Variants in BBX observed in about 807,000 individuals in gnomAD.
BBX encodes BBX high mobility group box domain containing.
BBX carries 30 observed loss-of-function variants against 100.2 expected under a neutral mutation model. The ratio of observed to expected loss-of-function variants is 0.30; its 90% CI spans 0.22 to 0.41. The LOEUF (loss-of-function observed/expected upper bound fraction) is 0.41, where lower values mean the gene tolerates loss of function less well. Ranked by LOEUF, BBX falls within the 10% of genes least tolerant of loss-of-function variation. BBX has a pLI of 1.00. For missense variants in BBX, 1,023 were observed against 1,129.8 expected (o/e 0.91, Z 1.35); for synonymous variants, 376 against 388.1 (o/e 0.97, Z 0.37).
chr3:107,656,819 C>G (rs1211299151), intron 3 of BBX, among the ~76,000 whole-genome samples: 3 of 152,100 alleles, frequency 2.0e-5, no homozygotes, highest in Non-Finnish European at 4.4e-5. Context: ...TGTCTAGGCA[C>G]AAAAGAGGGA....
chr3:107,659,741 A>C, intron 3 of BBX: 1 of 1,284,714 alleles, frequency 7.8e-7, no homozygotes, highest in African/African-American at 1.5e-5. Context: ...TTTTACATTC[A>C]TGTGCATGAA....
At chr3:107,555,079 C>T (rs2107447552) in intron 2 of BBX, among the ~76,000 whole-genome samples, 1 of 151,998 alleles carries the variant, frequency 6.6e-6, no homozygotes, top group East Asian at 1.9e-4. Context: ...AAAACAACAA[C>T]AACAACAACA....
chr3:107,792,815 C>T (rs1020712589), intron 15 of BBX, among the ~76,000 whole-genome samples: 1 of 152,008 alleles, frequency 6.6e-6, no homozygotes, highest in African/African-American at 2.4e-5. Context: ...CATTTAGGAC[C>T]ACTTTACTCT....
At chr3:107,775,543 A>G (rs565381554) in intron 12 of BBX, among the ~76,000 whole-genome samples, 56 of 152,312 alleles carry the variant, frequency 3.7e-4, no homozygotes, top group Non-Finnish European at 7.5e-4. Context: ...CTGCATATTC[A>G]GTTAGACTAT....
chr3:107,597,933 T>A (rs1158734338), intron 2 of BBX, among the ~76,000 whole-genome samples: 1 of 152,056 alleles, frequency 6.6e-6, no homozygotes, highest in Non-Finnish European at 1.5e-5. Context: ...TGTGCCTGAT[T>A]TTGTAAAATG....
At chr3:107,802,451 G>A (rs2070600077) in intron 17 of BBX, among the ~76,000 whole-genome samples, 1 of 152,244 alleles carries the variant, frequency 6.6e-6, no homozygotes, top group Admixed American at 6.5e-5. Flanking sequence ...AGGTCTCTGA[G>A]GGAGACAATG....
In BBX at chr3:107,569,734, A is replaced by G. The variant is rs142169091; in HGVS notation, c.-84+43336A>G. Among the ~76,000 whole-genome samples the G allele has an allele frequency of 7.9e-3, 1,196 of 152,356 alleles. 6 individuals carry two copies. The highest frequency in any genetic ancestry group is 0.033 in the South Asian group (159 of 4,826). ...TAGAAGCCTGGCTGTCAATGCCTAC[A>G]ACAGTTATGGAGGCAAGGGAAACAG... On this transcript the variant is annotated intron_variant, in intron 2 of 17. Transcript: ENST00000325805.
chr3:107,793,490 A>G (rs945957628), intron 15 of BBX, among the ~76,000 whole-genome samples: 23 of 151,994 alleles, frequency 1.5e-4, no homozygotes, highest in African/African-American at 4.3e-4. Context: ...TTGGTTTTTC[A>G]TTTTCTTACT....
intron 2 of BBX, among the ~76,000 whole-genome samples, chr3:107,570,669 A>G (rs906229519): frequency 9.2e-5 from 14 of 152,102 alleles, no homozygotes; most frequent in Admixed American, 2.6e-4. Context: ...TAAAAGGATT[A>G]TAGGGTGGGG....
At chr3:107,525,038 G>T (rs1028092570) in intron 1 of BBX, among the ~76,000 whole-genome samples, 2 of 150,880 alleles carry the variant, frequency 1.3e-5, no homozygotes, top group African/African-American at 4.8e-5. Context: ...ATCTCCTGGG[G>T]TTGCCCACTG....
At chr3:107,567,670 G>A (rs991750254) in intron 2 of BBX, among the ~76,000 whole-genome samples, 3 of 152,156 alleles carry the variant, frequency 2.0e-5, no homozygotes, top group South Asian at 2.1e-4. Flanking sequence ...ACATAGCTGG[G>A]TTTTACTTTT....
chr3:107,525,978 T>C (rs1446369724), intron 1 of BBX, among the ~76,000 whole-genome samples: 1 of 152,228 alleles, frequency 6.6e-6, no homozygotes, highest in Non-Finnish European at 1.5e-5. Context: ...CTGGGGGCGG[T>C]GATCACTTGT....
intron 13 of BBX, among the ~76,000 whole-genome samples, chr3:107,785,181 A>G (rs1186382022): frequency 6.9e-6 from 1 of 145,582 alleles, no homozygotes; most frequent in African/African-American, 2.5e-5. Flanking sequence ...ATCTGGGGGA[A>G]AAAAAAAAAA....
At chr3:107,735,046 G>T (rs1026497776) in intron 7 of BBX, among the ~76,000 whole-genome samples, 2 of 152,110 alleles carry the variant, frequency 1.3e-5, no homozygotes. Context: ...TTCATATTCA[G>T]TATTTCCCAT....
intron 2 of BBX, among the ~76,000 whole-genome samples, chr3:107,582,473 C>T (rs1321266726): frequency 1.3e-5 from 2 of 151,968 alleles, no homozygotes; most frequent in Non-Finnish European, 2.9e-5. Context: ...AACCAATAGC[C>T]ACCCAAAGCC....
chr3:107,642,660 A>T (rs959617243), intron 2 of BBX, among the ~76,000 whole-genome samples: 6 of 152,192 alleles, frequency 3.9e-5, no homozygotes, highest in Non-Finnish European at 7.3e-5. Flanking sequence ...TTTTTAAGGT[A>T]TGAAAGCATG....
chr3:107,802,397 C>T (rs2070593861), intron 17 of BBX, among the ~76,000 whole-genome samples: 1 of 152,206 alleles, frequency 6.6e-6, no homozygotes, highest in Non-Finnish European at 1.5e-5. Context: ...ACTGCAAGTT[C>T]CTAATAGCAA....
intron 17 of BBX, among the ~76,000 whole-genome samples, chr3:107,803,644 C>A (rs1263395365): frequency 2.6e-5 from 4 of 152,338 alleles, no homozygotes; most frequent in African/African-American, 9.6e-5. Flanking sequence ...CCCAAGTGGG[C>A]CTTTTTAGTC....
At position 107,728,920 on chromosome 3, in the gene BBX, A is replaced by G; in HGVS notation, c.561A>G (p.Ala187=). ...SSRDLPSPKK[A]KTEEMPQLNF... Reference sequence around the variant, plus strand: ...GAGACTTGCCAAGCCCCAAGAAAGCAAAGACTGAAGAAATGCCTCAGCTTA... The same window carrying G: ...GAGACTTGCCAAGCCCCAAGAAAGCGAAGACTGAAGAAATGCCTCAGCTTA... Residue 187 remains alanine, a synonymous_variant, in exon 6 of 18, where the codon GCA becomes GCG. Transcript: ENST00000325805. 1 of 1,613,794 alleles carries G rather than the reference A, an allele frequency of 6.2e-7. No individual in the cohort carries two copies. Among genetic ancestry groups the G allele is most frequent in the Non-Finnish European group, 8.5e-7 (1 of 1,179,792 alleles).
Sources: gnomAD v4.1 joint callset for allele counts (sites outside exome capture counted in the v4.1 genomes callset) on GRCh38, gnomAD v4.1.1 for gene constraint, MANE v1.5 for transcripts, NCBI Gene and HGNC (gene_info 2026-07-23, HGNC 2026-07-21) for gene names.